FBRSL1: variants seen among roughly 807,000 people sequenced by gnomAD.
The protein encoded by FBRSL1 is fibrosin-1-like protein.
Under a neutral mutation model 89.6 loss-of-function variants are expected in FBRSL1, and 51 were observed. That is an observed-to-expected ratio of 0.57 (90% confidence interval 0.45 to 0.72). FBRSL1 has a LOEUF of 0.72. FBRSL1 is among the 30% of genes least tolerant of loss of function. The pLI, the probability that FBRSL1 is intolerant of heterozygous loss-of-function variation, is 0.00. For missense variants in FBRSL1, 1,618 were observed against 1,451.8 expected, an observed-to-expected ratio of 1.11 and a Z score of -1.86; for synonymous variants, 779 against 681.1, an observed-to-expected ratio of 1.14 and a Z score of -2.24.
At chr12:132,509,107 G>A (rs2034032716) in intron 2 of FBRSL1, 19 of 1,188,368 alleles carry the variant, frequency 1.6e-5, no homozygotes, top group Non-Finnish European at 1.9e-5. Context: ...CGGGCTGGAC[G>A]GGGGTTCCGC....
chr12:132,570,324 G>C lies in FBRSL1; in HGVS notation c.1008-11G>C. 6.5e-7 allele frequency: 1 copy of C among 1,527,966 alleles called. No individual in the cohort carries two copies. The highest frequency in any genetic ancestry group is 1.2e-5 in the South Asian group (1 of 82,878). 94.7% of individuals were successfully genotyped at this position (1,527,966 alleles called of 1,614,324 possible). A position where few individuals can be genotyped will look rare whatever the true frequency, so the allele number is the denominator to read the frequency against. ...GTCGGGCTGGCAGGCACTGAGCCCC[G>C]TGTCCCGCAGCAGGAGCAGCAGCGC... is the stretch of plus-strand genomic sequence containing the variant. On this transcript the variant is annotated splice_polypyrimidine_tract_variant and intron_variant, in intron 7 of 18. Coordinates refer to ENST00000680143, the MANE Select transcript of FBRSL1 (RefSeq NM_001367871.1).
chr12:132,506,155 G>C (rs2033659722), intron 1 of FBRSL1, among the ~76,000 whole-genome samples: 1 of 152,136 alleles, frequency 6.6e-6, no homozygotes, highest in Non-Finnish European at 1.5e-5. Flanking sequence ...GTGGGGGTCA[G>C]ACGGGACAGG....
At position 132,583,519 on chromosome 12, in the gene FBRSL1, T is replaced by C; in HGVS notation, c.2750T>C (p.Leu917Ser). ...APHLPPAAPA[L>S]DGALLPSLGA... is the part of the protein sequence containing the mutation. ...CACCTGCCGCCCGCCGCCCCCGCCT[T>C]GGACGGCGCGCTGCTGCCCTCGCTG... Residue 917 changes from leucine to serine, a missense_variant, in exon 19 of 19, where the codon TTG becomes TCG. Physicochemically the swap from Leu to Ser is moderately radical, Grantham distance 145 (BLOSUM62 -2). Coordinates refer to ENST00000680143, the MANE Select transcript of FBRSL1 (RefSeq NM_001367871.1). 1 of 1,045,940 alleles carries C rather than the reference T, an allele frequency of 9.6e-7. No homozygotes were observed. The highest frequency in any genetic ancestry group is 1.2e-6 in the Non-Finnish European group (1 of 868,570). 64.8% of individuals were successfully genotyped at this position (1,045,940 alleles called of 1,614,324 possible). A position where few individuals can be genotyped will look rare whatever the true frequency, so the allele number is the denominator to read the frequency against.
At chr12:132,521,256 G>A (rs751820113) in intron 2 of FBRSL1, among the ~76,000 whole-genome samples, 2 of 152,244 alleles carry the variant, frequency 1.3e-5, no homozygotes, top group African/African-American at 2.4e-5. Flanking sequence ...AGGCTGTGGG[G>A]CTGGGGCAGG....
At chr12:132,547,453 C>G (rs1389288151) in intron 4 of FBRSL1, among the ~76,000 whole-genome samples, 4 of 152,232 alleles carry the variant, frequency 2.6e-5, no homozygotes, top group Non-Finnish European at 5.9e-5. Context: ...CCGTGGCCCT[C>G]CGTGCGCTGC....
intron 4 of FBRSL1, 35 bp downstream of exon 4, chr12:132,528,023 C>A (rs1336753505): frequency 2.6e-6 from 4 of 1,547,498 alleles, no homozygotes; most frequent in Middle Eastern, 1.7e-4. Flanking sequence ...CATCTTTGTC[C>A]CCCTGGGGCC....
chr12:132,547,314 C>T (rs1236703358), intron 4 of FBRSL1, among the ~76,000 whole-genome samples: 2 of 151,526 alleles, frequency 1.3e-5, no homozygotes, highest in Non-Finnish European at 2.9e-5. Context: ...AACGGACAGT[C>T]AGTGTGTTCT....
chr12:132,536,528 C>T (rs753045302), intron 4 of FBRSL1, among the ~76,000 whole-genome samples: 4 of 148,644 alleles, frequency 2.7e-5, no homozygotes, highest in Non-Finnish European at 4.4e-5. Context: ...TGCATGTGTA[C>T]ATGGTGTGTG....
intron 5 of FBRSL1, 106 bp downstream of exon 5, chr12:132,548,138 T>TG: frequency 7.3e-7 from 1 of 1,375,538 alleles, no homozygotes; most frequent in Non-Finnish European, 1.0e-6. Context: ...GATCGGGCCT[T>TG]GGGGGGATCC....
chr12:132,510,570 T>C, intron 2 of FBRSL1: 3 of 1,230,996 alleles, frequency 2.4e-6, no homozygotes, highest in Non-Finnish European at 3.0e-6. Flanking sequence ...CGGACTAGCC[T>C]GAGGCCTTGT....
At chr12:132,491,342 C>T (rs1251177566) in intron 1 of FBRSL1, among the ~76,000 whole-genome samples, 1 of 152,238 alleles carries the variant, frequency 6.6e-6, no homozygotes, top group Admixed American at 6.5e-5. Context: ...CTCTTGGTGA[C>T]TGCTGCCTGC....
At chr12:132,511,153 G>A in intron 2 of FBRSL1, 2 of 985,460 alleles carry the variant, frequency 2.0e-6, no homozygotes, top group Non-Finnish European at 2.4e-6. Context: ...GGCCCATCTG[G>A]TGGGTCAGGA....
Position 132,582,156 on chromosome 12 carries a change from G to A in FBRSL1, c.2091G>A (p.Pro697=). The change falls in exon 18 of 19, where the codon CCG becomes CCA. Residue 697 remains proline (P), a synonymous_variant. Transcript: ENST00000680143. ...HEAWNRLHRA[P]PSFPAPPPWP... ...CCTGGAACCGACTGCACCGGGCACCGCCCTCCTTCCCGGCTCCGCCCCCGT... is the reference window on the plus strand; with the variant it reads ...CCTGGAACCGACTGCACCGGGCACCACCCTCCTTCCCGGCTCCGCCCCCGT... 5 of 1,549,980 alleles carry A rather than the reference G, an allele frequency of 3.2e-6. No homozygotes were observed. Among genetic ancestry groups the A allele is most frequent in the Non-Finnish European group, 4.4e-6 (5 of 1,146,784 alleles).
intron 2 of FBRSL1, chr12:132,510,253 G>A (rs1461606230): frequency 4.9e-6 from 6 of 1,231,728 alleles, no homozygotes; most frequent in African/African-American, 1.6e-5. Flanking sequence ...GGGCAGCCGG[G>A]CCCACCCTGC....
intron 9 of FBRSL1, chr12:132,571,606 G>GCA: frequency 1.0e-6 from 1 of 983,322 alleles, no homozygotes; most frequent in Non-Finnish European, 1.4e-6. Context: ...ACACACGCTC[G>GCA]CACACACACC....
In FBRSL1 at chr12:132,583,652, G is replaced by C. The variant is rs7966712; in HGVS notation, c.2883G>C (p.Thr961=). ...TCGGCGCACCGCCCCCCCTGGTGAC[G>C]GCGGCCGGGCCCCCCACGCCCCCCG... ...AALGAPPPLV[T]AAGPPTPPGP... is the part of the protein sequence containing the mutation. Residue 961 remains threonine (T), a synonymous_variant, in exon 19 of 19, where the codon ACG becomes ACC. Transcript: ENST00000680143. 661,189 of 1,029,858 alleles carry C rather than the reference G, an allele frequency of 0.64. 213,670 individuals are homozygous for C. The highest frequency in any genetic ancestry group is 0.84 in the African/African-American group (48,321 of 57,640). 63.8% of individuals were successfully genotyped at this position (1,029,858 alleles called of 1,614,324 possible).
At chr12:132,528,099 C>A in intron 4 of FBRSL1, 111 bp downstream of exon 4, 1 of 962,060 alleles carries the variant, frequency 1.0e-6, no homozygotes, top group Non-Finnish European at 1.6e-6. Flanking sequence ...GTCCCGTGCC[C>A]GCTTTCCCTC....
intron 14 of FBRSL1, among the ~76,000 whole-genome samples, chr12:132,575,274 C>T (rs1343570998): frequency 6.6e-6 from 1 of 152,242 alleles, no homozygotes; most frequent in Non-Finnish European, 1.5e-5. Context: ...GTCGCCCAGG[C>T]TGGAGTGCAG....
At chr12:132,531,360 T>C (rs932531106) in intron 4 of FBRSL1, among the ~76,000 whole-genome samples, 2 of 152,110 alleles carry the variant, frequency 1.3e-5, no homozygotes, top group Non-Finnish European at 2.9e-5. Flanking sequence ...GCCATGTGTG[T>C]GTGGGCGTGT....
Sources: gnomAD v4.1 joint callset for allele counts (sites outside exome capture counted in the v4.1 genomes callset) on GRCh38, gnomAD v4.1.1 for gene constraint, MANE v1.5 for transcripts, NCBI Gene and HGNC (gene_info 2026-07-23, HGNC 2026-07-21) for gene names.